Variants in VEGFB observed in about 807,000 individuals in gnomAD.
The protein encoded by VEGFB is VEGF-related factor.
VEGFB carries 24 observed loss-of-function variants against 22.5 expected under a neutral mutation model. The ratio of observed to expected loss-of-function variants is 1.07; its 90% CI spans 0.77 to 1.50. VEGFB has a LOEUF of 1.50. Ranked by LOEUF, VEGFB falls within the 40% of genes most tolerant of loss-of-function variation. The pLI is 0.00. For synonymous variants in VEGFB, 141 were observed against 117.4 expected (o/e 1.20, Z -1.30); for missense variants, 327 against 287.8 (o/e 1.14, Z -0.99).
Position 64,235,873 on chromosome 11 carries a change from C to T in VEGFB, c.164C>T (p.Pro55Leu). 6.2e-7 allele frequency: 1 copy of T among 1,613,952 alleles called. No homozygotes were observed. The highest frequency in any genetic ancestry group is 8.5e-7 in the Non-Finnish European group (1 of 1,180,008). Residue 55 changes from proline (P) to leucine (L), a missense_variant, in exon 3 of 7, where the codon CCC (proline) becomes CTC (leucine). Pro to Leu is a moderately conservative substitution (Grantham distance 98). Coordinates refer to ENST00000309422, the MANE Select transcript of VEGFB (RefSeq NM_003377.5). ...ATCQPREVVV[P>L]LTVELMGTVA... ...TGCCAGCCCCGGGAGGTGGTGGTGCCCTTGACTGTGGAGCTCATGGGCACC... is the reference window on the plus strand; with the variant it reads ...TGCCAGCCCCGGGAGGTGGTGGTGCTCTTGACTGTGGAGCTCATGGGCACC...
Position 64,234,898 on chromosome 11 carries a change from G to T in VEGFB, c.60+5G>T, listed in dbSNP as rs767807651. On this transcript the variant is annotated splice_donor_5th_base_variant and intron_variant, in intron 1 of 6. Transcript: ENST00000309422. The surrounding 1 kb of genome is among the most constrained non-coding windows in gnomAD (Gnocchi z 5.3). ...CTGCAGCTGGCCCCCGCCCAGGTAC[G>T]TGCGGCCCGACAGCGCGCCCGCCCG... 40 of 1,289,112 alleles carry T rather than the reference G, an allele frequency of 3.1e-5. No individual in the cohort carries two copies. The highest frequency in any genetic ancestry group is 4.8e-5 in the South Asian group (2 of 42,090). 79.9% of individuals were successfully genotyped at this position (1,289,112 alleles called of 1,614,324 possible).
chr11:64,237,582 C>A lies in VEGFB; in HGVS notation c.573C>A (p.Ala191=), dbSNP rs1048177482. The A allele has an allele frequency of 2.4e-5, 38 of 1,593,564 alleles. No individual in the cohort carries two copies. Among genetic ancestry groups the A allele is most frequent in the Non-Finnish European group, 3.1e-5 (36 of 1,174,730 alleles). The change falls in exon 6 of 7, where the codon GCC becomes GCA. Residue 191 remains alanine, a synonymous_variant. Coordinates refer to ENST00000309422, the MANE Select transcript of VEGFB (RefSeq NM_003377.5). ...CCAGCGCCCTGACCCCCGGACCTGC[C>A]GCTGCCGCTGCCGACGCCGCAGCTT... is the stretch of plus-strand genomic sequence containing the variant. ...STTSALTPGP[A]AAAADAAASS...
intron 4 of VEGFB, 106 bp downstream of exon 4, chr11:64,236,433 G>A: frequency 8.6e-7 from 1 of 1,165,538 alleles, no homozygotes; most frequent in South Asian, 1.3e-5. Flanking sequence ...TAGAACCAAG[G>A]GGCCGGGCGT....
At chr11:64,236,799 C>T (rs1380767779) in intron 4 of VEGFB, among the ~76,000 whole-genome samples, 7 of 143,842 alleles carry the variant, frequency 4.9e-5, no homozygotes, top group Admixed American at 2.1e-4. Context: ...GATGCTTGGG[C>T]CGGGGGTAGT....
intron 2 of VEGFB, 80 bp from the exon 3 acceptor site, chr11:64,235,733 T>G: frequency 6.5e-7 from 1 of 1,547,492 alleles, no homozygotes; most frequent in Non-Finnish European, 8.8e-7. Context: ...TGGCTGTGAC[T>G]TGGGGACTGG....
intron 4 of VEGFB, among the ~76,000 whole-genome samples, 163 bp downstream of exon 4, chr11:64,236,490 C>T (rs1452091193): frequency 2.0e-4 from 30 of 151,450 alleles, no homozygotes; most frequent in Admixed American, 8.6e-4. Context: ...CCGAGGCGGG[C>T]GGATCATGAG....
intron 1 of VEGFB, 54 bp from the exon 2 acceptor site, chr11:64,235,404 A>G: frequency 1.9e-6 from 3 of 1,560,852 alleles, no homozygotes; most frequent in Non-Finnish European, 2.6e-6. Context: ...GGACGGTGAC[A>G]GGGCCACACC....
At position 64,239,162 on chromosome 11, in the gene VEGFB, T is replaced by C. The variant is rs1024991868; in HGVS notation, c.*829T>C. 6.6e-6 allele frequency among the ~76,000 whole-genome samples: 1 copy of C among 152,008 alleles called. No homozygotes were observed. Among genetic ancestry groups the C allele is most frequent in the African/African-American group, 2.4e-5 (1 of 41,418 alleles). The stretch of plus-strand genomic sequence containing the variant: ...GAGCAGCAGTTTCCACATGTGCACA[T>C]AGAGGGAACAGAAGATTGCTGTGGT... On this transcript the variant is annotated 3_prime_UTR_variant, in exon 7 of 7. Transcript: ENST00000309422.
At chr11:64,236,388 G>C (rs1591079939) in intron 4 of VEGFB, 61 bp downstream of exon 4, 1 of 1,535,770 alleles carries the variant, frequency 6.5e-7, no homozygotes, top group East Asian at 2.3e-5. Context: ...GCTGGGTATG[G>C]TGGTCCACAG....
At chr11:64,236,366 G>A (rs1250045633) in intron 4 of VEGFB, 39 bp downstream of exon 4, 1 of 1,600,070 alleles carries the variant, frequency 6.2e-7, no homozygotes, top group Non-Finnish European at 8.6e-7. Flanking sequence ...GCAGAGGCCA[G>A]GCTTGGGGGG....
rs878955863 is a variant in VEGFB, at chr11:64,237,706, C to A, written c.*22+51C>A. The A allele has an allele frequency of 2.4e-5, 35 of 1,469,866 alleles. No individual in the cohort carries two copies. The South Asian group carries it at 4.3e-4, about 18-fold the overall frequency. The allele number at this position is 1,469,866 out of a possible 1,614,324, so 91.1% of individuals were successfully genotyped here. A position where few individuals can be genotyped will look rare whatever the true frequency, so the allele number is the denominator to read the frequency against. On this transcript the variant is annotated intron_variant, in intron 6 of 6. Transcript: ENST00000309422. ...GTTTGGGAAGGCACCAAGGCCCTGTCCTGGAGCAGGTCCAGGGTGAGCCTG... is the reference window on the plus strand; with the variant it reads ...GTTTGGGAAGGCACCAAGGCCCTGTACTGGAGCAGGTCCAGGGTGAGCCTG...
At chr11:64,237,275 C>T in intron 5 of VEGFB, 53 bp downstream of exon 5, 2 of 1,558,418 alleles carry the variant, frequency 1.3e-6, no homozygotes, top group East Asian at 2.3e-5. Context: ...CAAGTGAGTC[C>T]AGAAGCTGTT....
At chr11:64,237,941 GA>G (rs2030224454) in intron 6 of VEGFB, 1 of 494,660 alleles carries the variant, frequency 2.0e-6, no homozygotes, top group South Asian at 3.2e-5. Flanking sequence ...TCTCTTGGAG[GA>G]GGTGACATCT....
chr11:64,235,939 G>A lies in VEGFB; in HGVS notation c.230G>A (p.Arg77His), dbSNP rs971505603. The A allele has an allele frequency of 1.9e-5, 30 of 1,612,412 alleles. No homozygotes were observed. The highest frequency in any genetic ancestry group is 6.7e-5 in the Admixed American group (4 of 59,884). Reference protein sequence around the residue: ...QLVPSCVTVQRCGGCCPDDGL... With the variant: ...QLVPSCVTVQHCGGCCPDDGL... ...GTGCCCAGCTGCGTGACTGTGCAGC[G>A]CTGTGGTGGCTGCTGCCCTGACGAT... The change falls in exon 3 of 7, where the codon CGC becomes CAC. Residue 77 changes from arginine to histidine, a missense_variant. Physicochemically the swap from Arg to His is conservative, Grantham distance 29 (BLOSUM62 0). Transcript: ENST00000309422.
In VEGFB at chr11:64,236,401, C is replaced by G. The variant is rs182644773; in HGVS notation, c.374+74C>G. The G allele has an allele frequency of 7.4e-4, 1,078 of 1,460,392 alleles. 12 individuals are homozygous for G. The East Asian group carries it at 0.023, about 31-fold the overall frequency. 90.5% of individuals were successfully genotyped at this position (1,460,392 alleles called of 1,614,324 possible). A position where few individuals can be genotyped will look rare whatever the true frequency, so the allele number is the denominator to read the frequency against. ...GTGCTGGGTATGGTGGTCCACAGAA[C>G]TGGGGACCAGGTTCCTAAGAGTAGA... On this transcript the variant is annotated intron_variant, in intron 4 of 6. Transcript: ENST00000309422.
Position 64,234,745 on chromosome 11 carries a change from C to T in VEGFB, c.-89C>T, listed in dbSNP as rs1376303547. 2 of 470,090 alleles carry T rather than the reference C, an allele frequency of 4.3e-6. No individual in the cohort carries two copies. The highest frequency in any genetic ancestry group is 8.4e-5 in the South Asian group (1 of 11,958). The allele number at this position is 470,090 out of a possible 1,614,324, so 29.1% of individuals were successfully genotyped here. On this transcript the variant is annotated 5_prime_UTR_variant, in exon 1 of 7. Coordinates refer to ENST00000309422, the MANE Select transcript of VEGFB (RefSeq NM_003377.5). The surrounding 1 kb of genome is among the most constrained non-coding windows in gnomAD (Gnocchi z 5.3). ...GGCCCCCGCCCGCCGCGCCCGGGCC[C>T]GCGCCATGGGGCTCTGGCTGTCGCC...
Position 64,237,126 on chromosome 11 carries a change from G to GATAGATA in VEGFB, c.375-61_375-60insATAGATA. On this transcript the variant is annotated intron_variant, in intron 4 of 6. Coordinates refer to ENST00000309422, the MANE Select transcript of VEGFB (RefSeq NM_003377.5). ...GAGAGAGAGAGAGAGAGAGAGAGTAGGATGCTGGGATTTCCTGATCTTCCT... is the reference window on the plus strand; with the variant it reads ...GAGAGAGAGAGAGAGAGAGAGAGTAGATAGATAGATGCTGGGATTTCCTGATCTTCCT... 7 of 717,060 alleles carry GATAGATA rather than the reference G, an allele frequency of 9.8e-6. 2 individuals carry two copies. In the East Asian group the frequency reaches 4.1e-4, roughly 42 times the overall value. 44.4% of individuals were successfully genotyped at this position (717,060 alleles called of 1,614,324 possible).
rs894688445 is a variant in VEGFB at position 64,234,861 on chromosome 11, C to T, written c.28C>T (p.Leu10Phe). Residue 10 changes from leucine to phenylalanine, a missense_variant, in exon 1 of 7, where the codon CTC becomes TTC. By Grantham distance (22) the Leu-to-Phe change is conservative (BLOSUM62 0). Coordinates refer to ENST00000309422, the MANE Select transcript of VEGFB (RefSeq NM_003377.5). The surrounding 1 kb of genome is among the most constrained non-coding windows in gnomAD (Gnocchi z 5.3). ...GAGCCCTCTGCTCCGCCGCCTGCTG[C>T]TCGCCGCACTCCTGCAGCTGGCCCC... MSPLLRRLL[L>F]AALLQLAPAQ... 17 of 1,294,480 alleles carry T rather than the reference C, an allele frequency of 1.3e-5. No homozygotes were observed. The highest frequency in any genetic ancestry group is 4.7e-5 in the African/African-American group (3 of 64,504). The allele number at this position is 1,294,480 out of a possible 1,614,324, so 80.2% of individuals were successfully genotyped here.
chr11:64,236,892 A>G (rs1011777993), intron 4 of VEGFB, among the ~76,000 whole-genome samples: 4 of 148,554 alleles, frequency 2.7e-5, no homozygotes, highest in East Asian at 4.0e-4. Flanking sequence ...CAGCCTGGCC[A>G]ACATGGTGAA....
Sources: allele counts gnomAD v4.1 joint callset (sites outside exome capture counted in the v4.1 genomes callset), GRCh38; gene constraint gnomAD v4.1.1; non-coding constraint Gnocchi (gnomAD v3.1); transcripts MANE v1.5; gene names NCBI Gene and HGNC (gene_info 2026-07-23, HGNC 2026-07-21).